The following LRRFIP2 variants were observed in gnomAD, a reference collection of about 807,000 sequenced individuals.
LRRFIP2 encodes leucine-rich repeat flightless-interacting protein 2.
A neutral mutation model predicts 125.9 loss-of-function variants in LRRFIP2; 109 were observed. That is an observed-to-expected ratio of 0.87 (90% CI 0.74 to 1.01). LRRFIP2 has a LOEUF of 1.01. LRRFIP2 is among the 50% of genes least tolerant of loss of function. LRRFIP2 has a pLI of 0.00. For missense variants in LRRFIP2, 850 were observed against 862.3 expected, an observed-to-expected ratio of 0.99 and a Z score of 0.18; for synonymous variants, 291 against 293.1, an observed-to-expected ratio of 0.99 and a Z score of 0.07.
chr3:37,130,930 A>T (rs1325544093), intron 2 of LRRFIP2, among the ~76,000 whole-genome samples: 1 of 152,258 alleles, frequency 6.6e-6, no homozygotes, highest in Non-Finnish European at 1.5e-5. Flanking sequence ...TCTATCCATG[A>T]AATTGTGAAG....
intron 14 of LRRFIP2, among the ~76,000 whole-genome samples, chr3:37,103,715 C>T (rs2094185432): frequency 6.6e-6 from 1 of 152,170 alleles, no homozygotes; most frequent in Non-Finnish European, 1.5e-5. Context: ...GTAACCCACA[C>T]ACATAGACCC....
chr3:37,147,738 TC>T lies in LRRFIP2; in HGVS notation c.90+1155del, dbSNP rs2095893807. ...CCAAAAGAATATAATTTAATGATGC[TC>T]TAAGCAATTCTTATACCATATTAGT... On this transcript the variant is annotated intron_variant, in intron 2 of 27. Transcript: ENST00000336686. Among the ~76,000 whole-genome samples the T allele has an allele frequency of 4.6e-5, 7 of 152,334 alleles. No individual in the cohort carries two copies. In the South Asian group the frequency reaches 1.4e-3, roughly 32 times the overall value.
At position 37,083,866 on chromosome 3, in the gene LRRFIP2, T is replaced by C. The variant is rs1390534305; in HGVS notation, c.1108-60A>G. ...AAATGTTAATTGAATACATGCAATA[T>C]AACAGGAAATTATAGCACTGCCACA... is the stretch of plus-strand genomic sequence containing the variant. On this transcript the variant is annotated intron_variant, in intron 18 of 27. Coordinates refer to ENST00000336686, the MANE Select transcript of LRRFIP2 (RefSeq NM_006309.4). 5 of 1,302,544 alleles carry C rather than the reference T, an allele frequency of 3.8e-6. No individual in the cohort carries two copies. The African/African-American group carries it at 7.7e-5, about 20-fold the overall frequency. The allele number at this position is 1,302,544 out of a possible 1,614,324, so 80.7% of individuals were successfully genotyped here. A position where few individuals can be genotyped will look rare whatever the true frequency, so the allele number is the denominator to read the frequency against.
At chr3:37,055,904 C>T (rs991885169) in intron 25 of LRRFIP2, among the ~76,000 whole-genome samples, 5 of 152,204 alleles carry the variant, frequency 3.3e-5, no homozygotes, top group Non-Finnish European at 5.9e-5. Flanking sequence ...CTGTAAGGGT[C>T]CTTTTCTCCC....
intron 18 of LRRFIP2, among the ~76,000 whole-genome samples, chr3:37,084,737 CACA>C (rs1298583465): frequency 6.6e-6 from 1 of 151,664 alleles, no homozygotes; most frequent in Non-Finnish European, 1.5e-5. Context: ...AAAAAGGTAC[CACA>C]AAATGCCTGG....
intron 6 of LRRFIP2, among the ~76,000 whole-genome samples, chr3:37,116,426 C>T (rs1043748008): frequency 6.6e-6 from 1 of 151,984 alleles, no homozygotes; most frequent in African/African-American, 2.4e-5. Context: ...CAGAGGCCAC[C>T]GTACCCTGCC....
intron 1 of LRRFIP2, among the ~76,000 whole-genome samples, chr3:37,152,073 A>C (rs569310072): frequency 6.6e-6 from 1 of 152,348 alleles, no homozygotes; most frequent in Non-Finnish European, 1.5e-5. Flanking sequence ...ACAAGTGCTC[A>C]TCAACCAACA....
chr3:37,089,300 T>TATATATACAC (rs1183501032), intron 18 of LRRFIP2, among the ~76,000 whole-genome samples: 3 of 152,202 alleles, frequency 2.0e-5, no homozygotes, highest in Non-Finnish European at 4.4e-5. Context: ...TACACATGAA[T>TATATATACAC]ATATATACAC....
At chr3:37,128,531 G>A (rs1195024009) in intron 3 of LRRFIP2, among the ~76,000 whole-genome samples, 1 of 152,062 alleles carries the variant, frequency 6.6e-6, no homozygotes, top group Non-Finnish European at 1.5e-5. Context: ...TAGACAAACT[G>A]CAGTATTAAT....
At chr3:37,097,907 A>T (rs1248834436) in intron 15 of LRRFIP2, among the ~76,000 whole-genome samples, 1 of 152,190 alleles carries the variant, frequency 6.6e-6, no homozygotes, top group African/African-American at 2.4e-5. Context: ...GCACATAGGG[A>T]TGTAACTAAA....
chr3:37,112,900 G>A lies in LRRFIP2; in HGVS notation c.438+15C>T. The A allele has an allele frequency of 6.8e-7, 1 of 1,463,098 alleles. No homozygotes were observed. The highest frequency in any genetic ancestry group is 9.4e-7 in the Non-Finnish European group (1 of 1,065,170). The allele number at this position is 1,463,098 out of a possible 1,614,324, so 90.6% of individuals were successfully genotyped here. ...GTACTTCGTGAATTGTGATATGAGA[G>A]ACAACAGAACTAACCAGTAGGTCTT... On this transcript the variant is annotated intron_variant, in intron 8 of 27. Coordinates refer to ENST00000336686, the MANE Select transcript of LRRFIP2 (RefSeq NM_006309.4).
At chr3:37,062,551 G>A (rs1344143169) in intron 24 of LRRFIP2, among the ~76,000 whole-genome samples, 1 of 152,104 alleles carries the variant, frequency 6.6e-6, no homozygotes, top group Non-Finnish European at 1.5e-5. Flanking sequence ...ATGCTAGAGA[G>A]AAAGAGAATA....
chr3:37,079,981 T>C (rs996798246), intron 19 of LRRFIP2, among the ~76,000 whole-genome samples: 12 of 152,146 alleles, frequency 7.9e-5, no homozygotes, highest in Non-Finnish European at 1.6e-4. Context: ...AATGAAAACA[T>C]ACTAAAAGTA....
At chr3:37,120,475 C>T (rs944301773) in intron 6 of LRRFIP2, among the ~76,000 whole-genome samples, 1 of 152,010 alleles carries the variant, frequency 6.6e-6, no homozygotes, top group African/African-American at 2.4e-5. Context: ...GTAACTTACT[C>T]TAAAAAGACA....
rs1216541063 is a variant in LRRFIP2, at chr3:37,054,372, T to C, written c.2055+39A>G. 12 of 1,488,114 alleles carry C rather than the reference T, an allele frequency of 8.1e-6. No individual in the cohort carries two copies. In the African/African-American group the frequency reaches 1.7e-4, roughly 21 times the overall value. 92.2% of individuals were successfully genotyped at this position (1,488,114 alleles called of 1,614,324 possible). A position where few individuals can be genotyped will look rare whatever the true frequency, so the allele number is the denominator to read the frequency against. ...TTATTTCCAGAAGATTTTTTCTTTT[T>C]AGGAATGTATTCTCCAAGAAACATA... On this transcript the variant is annotated intron_variant, in intron 27 of 27. Transcript: ENST00000336686.
At chr3:37,161,290 G>A (rs1006442432) in intron 1 of LRRFIP2, among the ~76,000 whole-genome samples, 53 of 151,892 alleles carry the variant, frequency 3.5e-4, no homozygotes, top group African/African-American at 1.3e-3. Flanking sequence ...AGGAGGCAGA[G>A]GTTACAGTGA....
intron 25 of LRRFIP2, among the ~76,000 whole-genome samples, chr3:37,055,502 G>C (rs1273710472): frequency 3.9e-5 from 6 of 152,098 alleles, no homozygotes; most frequent in Admixed American, 3.9e-4. Context: ...GGAGGCAGAG[G>C]TTGCAGTGAG....
Position 37,060,108 on chromosome 3 carries a change from C to T in LRRFIP2, c.1750-1198G>A, listed in dbSNP as rs1006828106. 6.6e-6 allele frequency among the ~76,000 whole-genome samples: 1 copy of T among 152,126 alleles called. No individual in the cohort carries two copies. The highest frequency in any genetic ancestry group is 1.5e-5 in the Non-Finnish European group (1 of 68,002). On this transcript the variant is annotated intron_variant, in intron 24 of 27. Transcript: ENST00000336686. This position sits in a 1 kb window ranked among gnomAD's most constrained non-coding sequence, Gnocchi z 4.1. The stretch of plus-strand genomic sequence containing the variant: ...GCAGTCTTCCTCACAAGGGTCTGTA[C>T]GACCACTAACCTTCATCTCCTAACC...
chr3:37,175,343 C>A (rs2096644664), upstream of LRRFIP2: 1 of 152,306 alleles, frequency 6.6e-6, no homozygotes, highest in South Asian at 2.1e-4. Flanking sequence ...AGAAAACCAG[C>A]TACTAACAGT....
Sources: allele counts gnomAD v4.1 joint callset (sites outside exome capture counted in the v4.1 genomes callset), GRCh38; gene constraint gnomAD v4.1.1; non-coding constraint Gnocchi (gnomAD v3.1); transcripts MANE v1.5; gene names NCBI Gene and HGNC (gene_info 2026-07-23, HGNC 2026-07-21).